The following CAMK1D variants were observed in gnomAD, a reference collection of about 807,000 sequenced individuals.
CAMK1D encodes calcium/calmodulin dependent protein kinase ID, also known as calcium/calmodulin-dependent protein kinase type 1D.
In CAMK1D, 9 loss-of-function variants were observed where a neutral mutation model predicts 47.7. The ratio of observed to expected loss-of-function variants is 0.19; its 90% confidence interval spans 0.11 to 0.33. The LOEUF is 0.33. Among genes scored for constraint, CAMK1D ranks in the 10% least tolerant of loss-of-function variants. The pLI is 1.00. For missense variants in CAMK1D, 291 were observed against 488.7 expected (o/e 0.60, Z 3.81); for synonymous variants, 184 against 184.9 (o/e 0.99, Z 0.04).
At chr10:12,723,615 C>T (rs1471812726) in intron 3 of CAMK1D, among the ~76,000 whole-genome samples, 2 of 152,120 alleles carry the variant, frequency 1.3e-5, no homozygotes, top group African/African-American at 2.4e-5. Flanking sequence ...GAAAGCAAGA[C>T]CTCCAAGAGG....
intron 1 of CAMK1D, among the ~76,000 whole-genome samples, chr10:12,401,895 C>CCA (rs1554765711): frequency 2.1e-5 from 3 of 146,142 alleles, no homozygotes; most frequent in African/African-American, 7.5e-5. Flanking sequence ...TATTCTCAGA[C>CCA]TATATATATA....
At position 12,829,130 on chromosome 10, in the gene CAMK1D, T is replaced by G. The variant is rs540622922; in HGVS notation, c.*243T>G. On this transcript the variant is annotated 3_prime_UTR_variant, in exon 11 of 11. Transcript: ENST00000619168. ...GATCTGGTGCTGTATATACGAATCT[T>G]GCAAAGCTCTAACTGAACGGACCTT... The G allele has an allele frequency of 1.8e-4, 76 of 431,324 alleles. No homozygotes were observed. The South Asian group carries it at 1.9e-3, about 11-fold the overall frequency. 26.7% of individuals were successfully genotyped at this position (431,324 alleles called of 1,614,324 possible). A position where few individuals can be genotyped will look rare whatever the true frequency, so the allele number is the denominator to read the frequency against.
intron 1 of CAMK1D, among the ~76,000 whole-genome samples, chr10:12,421,531 T>TG: frequency 7.5e-6 from 1 of 133,518 alleles, no homozygotes; most frequent in Non-Finnish European, 1.6e-5. Flanking sequence ...TTTTTTTTTT[T>TG]TTTTTTTTTT....
At chr10:12,562,662 ACACACACCTCC>A (rs1836982074) in intron 2 of CAMK1D, among the ~76,000 whole-genome samples, 2 of 152,178 alleles carry the variant, frequency 1.3e-5, no homozygotes, top group African/African-American at 2.4e-5. Flanking sequence ...CTGCAGTTTG[ACACACACCTCC>A]TTCAGGACAC....
At chr10:12,820,408 C>T (rs750383708) in intron 8 of CAMK1D, among the ~76,000 whole-genome samples, 23 of 152,226 alleles carry the variant, frequency 1.5e-4, no homozygotes, top group Non-Finnish European at 2.4e-4. Flanking sequence ...CTGAAACTCT[C>T]GCTTGCCTGC....
intron 2 of CAMK1D, among the ~76,000 whole-genome samples, chr10:12,635,888 T>A (rs1476198403): frequency 6.6e-6 from 1 of 152,228 alleles, no homozygotes; most frequent in Non-Finnish European, 1.5e-5. Flanking sequence ...TTAAATTGCA[T>A]ATTTCAGTTA....
chr10:12,428,168 C>T (rs1025451313), intron 1 of CAMK1D, among the ~76,000 whole-genome samples: 1 of 152,084 alleles, frequency 6.6e-6, no homozygotes, highest in African/African-American at 2.4e-5. Context: ...GCTATCCCTC[C>T]CCTATCCCGC....
chr10:12,639,418 G>A (rs538471128), intron 2 of CAMK1D, among the ~76,000 whole-genome samples: 37 of 152,334 alleles, frequency 2.4e-4, no homozygotes, highest in African/African-American at 6.7e-4. Flanking sequence ...CCGCGAGGCG[G>A]AGGTTGCAGG....
intron 1 of CAMK1D, among the ~76,000 whole-genome samples, chr10:12,377,721 C>T (rs1448100634): frequency 6.6e-6 from 1 of 152,122 alleles, no homozygotes; most frequent in Non-Finnish European, 1.5e-5. Flanking sequence ...GATTGGAGAA[C>T]ACCAGGAGAT....
chr10:12,431,418 GTGTC>G (rs1832471567), intron 1 of CAMK1D, among the ~76,000 whole-genome samples: 1 of 152,214 alleles, frequency 6.6e-6, no homozygotes, highest in Non-Finnish European at 1.5e-5. Context: ...TGATCACTCA[GTGTC>G]TGAGGAGAGA....
At chr10:12,660,962 A>G (rs1246155949) in intron 2 of CAMK1D, among the ~76,000 whole-genome samples, 1 of 152,204 alleles carries the variant, frequency 6.6e-6, no homozygotes, top group Non-Finnish European at 1.5e-5. Context: ...CCATTTGCCT[A>G]TAACTGACAT....
At chr10:12,733,689 T>C (rs1247694221) in intron 3 of CAMK1D, among the ~76,000 whole-genome samples, 1 of 152,244 alleles carries the variant, frequency 6.6e-6, no homozygotes, top group East Asian at 1.9e-4. Context: ...ATTTATGTTA[T>C]GCCATACACC....
intron 1 of CAMK1D, among the ~76,000 whole-genome samples, chr10:12,544,668 T>G (rs557909288): frequency 9.8e-5 from 15 of 152,360 alleles, no homozygotes; most frequent in Admixed American, 3.9e-4. Flanking sequence ...AGAAACATAT[T>G]ACGGAGGAGA....
chr10:12,774,029 T>G (rs1483213297), intron 5 of CAMK1D, among the ~76,000 whole-genome samples: 1 of 138,472 alleles, frequency 7.2e-6, no homozygotes, highest in Non-Finnish European at 1.5e-5. Context: ...GAAGAATTAT[T>G]TATTTATTGC....
intron 6 of CAMK1D, among the ~76,000 whole-genome samples, chr10:12,805,030 G>A (rs1462948112): frequency 6.6e-6 from 1 of 150,720 alleles, no homozygotes; most frequent in Non-Finnish European, 1.5e-5. Context: ...GGAGGCCGAT[G>A]TAGGCGGATC....
chr10:12,674,735 G>A (rs115795822), intron 3 of CAMK1D, among the ~76,000 whole-genome samples: 1 of 150,948 alleles, frequency 6.6e-6, no homozygotes, highest in Admixed American at 6.6e-5. Flanking sequence ...GACTTGACTT[G>A]TAGAATATTA....
At chr10:12,675,616 C>T (rs930243886) in intron 3 of CAMK1D, among the ~76,000 whole-genome samples, 3 of 152,198 alleles carry the variant, frequency 2.0e-5, no homozygotes, top group African/African-American at 7.2e-5. Flanking sequence ...TTTTCCAAAC[C>T]ACCATATAAA....
intron 4 of CAMK1D, among the ~76,000 whole-genome samples, chr10:12,763,968 C>A (rs955974571): frequency 1.3e-5 from 2 of 152,200 alleles, no homozygotes; most frequent in Non-Finnish European, 2.9e-5. Context: ...CACAGCCCTC[C>A]TGTTGGGATC....
intron 2 of CAMK1D, among the ~76,000 whole-genome samples, chr10:12,603,703 T>A (rs1838371955): frequency 6.6e-6 from 1 of 152,148 alleles, no homozygotes; most frequent in African/African-American, 2.4e-5. Context: ...ATTCCCCCAG[T>A]CACACACCTC....
Sources: gnomAD v4.1 joint callset for allele counts (sites outside exome capture counted in the v4.1 genomes callset) on GRCh38, gnomAD v4.1.1 for gene constraint, MANE v1.5 for transcripts, NCBI Gene and HGNC (gene_info 2026-07-23, HGNC 2026-07-21) for gene names.